LHFPL3: variants seen among roughly 807,000 people sequenced by gnomAD.
The protein encoded by LHFPL3 is LHFPL tetraspan subfamily member 3 protein.
A neutral mutation model predicts 19.3 loss-of-function variants in LHFPL3; 5 were observed. That is an observed-to-expected ratio of 0.26 (90% confidence interval 0.14 to 0.54). The LOEUF (loss-of-function observed/expected upper bound fraction) is 0.54, where lower values mean the gene tolerates loss of function less well. Among genes scored for constraint, LHFPL3 ranks in the 20% least tolerant of loss-of-function variants. The pLI is 0.94. For synonymous variants in LHFPL3, 133 were observed against 126.2 expected, an observed-to-expected ratio of 1.05 and a Z score of -0.36; for missense variants, 249 against 307.4, an observed-to-expected ratio of 0.81 and a Z score of 1.42.
chr7:104,593,272 A>T (rs962611458), intron 1 of LHFPL3, among the ~76,000 whole-genome samples: 1 of 151,986 alleles, frequency 6.6e-6, no homozygotes, highest in Non-Finnish European at 1.5e-5. Context: ...GAACATCTTT[A>T]TTTCTGCCCT....
At chr7:104,763,439 C>T (rs1794408722) in intron 2 of LHFPL3, among the ~76,000 whole-genome samples, 1 of 152,234 alleles carries the variant, frequency 6.6e-6, no homozygotes, top group Non-Finnish European at 1.5e-5. Context: ...TGCAGATTAA[C>T]TCACTGAACT....
chr7:104,798,850 GT>G (rs1231524828), intron 2 of LHFPL3, among the ~76,000 whole-genome samples: 1 of 151,970 alleles, frequency 6.6e-6, no homozygotes, highest in East Asian at 1.9e-4. Context: ...TTTTGCTTCT[GT>G]TTTTTTGGAT....
rs59809377 is a variant in LHFPL3, at chr7:104,812,803, C to CAAAAAAAAAAAAA, written c.682+75908_682+75920dup. Among the ~76,000 whole-genome samples the CAAAAAAAAAAAAA allele has an allele frequency of 2.6e-4, 8 of 31,338 alleles. 1 individual carries two copies. Among genetic ancestry groups the CAAAAAAAAAAAAA allele is most frequent in the East Asian group, 2.5e-3 (2 of 806 alleles). The allele number at this position is 31,338 out of a possible 152,430, so 20.6% of individuals were successfully genotyped here. On this transcript the variant is annotated intron_variant, in intron 2 of 2. Coordinates refer to ENST00000424859, the MANE Select transcript of LHFPL3 (RefSeq NM_199000.3). ...TGGGTGACAGAGCAAGACTCCATCT[C>CAAAAAAAAAAAAA]AAAAAAAAAAAAAAAAAAAAAAAAA...
chr7:104,603,146 CCTT>C (rs1791017516), intron 1 of LHFPL3, among the ~76,000 whole-genome samples: 1 of 45,788 alleles, frequency 2.2e-5, no homozygotes, highest in African/African-American at 4.8e-5. Flanking sequence ...TCCCTTCCTT[CCTT>C]CCTTCCTTCC....
intron 1 of LHFPL3, among the ~76,000 whole-genome samples, chr7:104,468,482 A>G (rs1284010525): frequency 6.6e-6 from 1 of 152,126 alleles, no homozygotes; most frequent in African/African-American, 2.4e-5. Flanking sequence ...AATAATTGTC[A>G]TGGCTTTTTG....
chr7:104,608,446 C>T (rs1477120580), intron 1 of LHFPL3, among the ~76,000 whole-genome samples: 5 of 133,610 alleles, frequency 3.7e-5, no homozygotes, highest in East Asian at 2.2e-4. Flanking sequence ...AATTGAACAA[C>T]GAGAACACAT....
At chr7:104,450,952 T>C (rs1308578938) in intron 1 of LHFPL3, among the ~76,000 whole-genome samples, 3 of 152,000 alleles carry the variant, frequency 2.0e-5, no homozygotes, top group Admixed American at 1.3e-4. Context: ...CAAAGCAGAG[T>C]GGAAATGAAT....
intron 1 of LHFPL3, among the ~76,000 whole-genome samples, chr7:104,621,601 A>T (rs193084308): frequency 2.0e-5 from 3 of 152,316 alleles, no homozygotes; most frequent in Admixed American, 6.5e-5. Flanking sequence ...GAGTTGACAG[A>T]TCGCTTAATC....
intron 1 of LHFPL3, among the ~76,000 whole-genome samples, chr7:104,602,460 A>C (rs1324899322): frequency 6.6e-6 from 1 of 152,200 alleles, no homozygotes; most frequent in Non-Finnish European, 1.5e-5. Flanking sequence ...GATTCTGAAA[A>C]GCTGCTTTGC....
rs548694765 is a variant in LHFPL3 at position 104,365,636 on chromosome 7, C to T, written c.445+36412C>T. ...CTCTACTAAAAATACAAAAAATTAG[C>T]CGGGCGCGGTGGCGGGCGCCTGTAG... On this transcript the variant is annotated intron_variant, in intron 1 of 2. Transcript: ENST00000424859. Among the ~76,000 whole-genome samples the T allele has an allele frequency of 2.5e-4, 37 of 149,292 alleles. No homozygotes were observed. The South Asian group carries it at 7.8e-3, about 31-fold the overall frequency.
At chr7:104,675,849 C>CA (rs2116063531) in intron 1 of LHFPL3, among the ~76,000 whole-genome samples, 1 of 112,048 alleles carries the variant, frequency 8.9e-6, no homozygotes, top group South Asian at 3.8e-4. Context: ...TCAGGACTTC[C>CA]CTTTTAGATA....
chr7:104,795,348 G>C (rs1562795604), intron 2 of LHFPL3, among the ~76,000 whole-genome samples: 2 of 152,176 alleles, frequency 1.3e-5, no homozygotes, highest in Non-Finnish European at 2.9e-5. Flanking sequence ...TTCTGGATGA[G>C]AGGAAGCCAA....
At chr7:104,480,044 A>G (rs1358723529) in intron 1 of LHFPL3, among the ~76,000 whole-genome samples, 3 of 152,212 alleles carry the variant, frequency 2.0e-5, no homozygotes, top group Non-Finnish European at 2.9e-5. Context: ...TCAGAGTTTT[A>G]TACCAGATCA....
At chr7:104,858,057 T>C (rs1418952788) in intron 2 of LHFPL3, among the ~76,000 whole-genome samples, 1 of 152,200 alleles carries the variant, frequency 6.6e-6, no homozygotes, top group African/African-American at 2.4e-5. Flanking sequence ...ATATAAAAAC[T>C]GTGTACAGAG....
chr7:104,780,087 G>C (rs917340790), intron 2 of LHFPL3, among the ~76,000 whole-genome samples: 3 of 152,186 alleles, frequency 2.0e-5, no homozygotes, highest in African/African-American at 7.2e-5. Flanking sequence ...TTGGCCCCCA[G>C]TGGCCCCTCC....
intron 2 of LHFPL3, among the ~76,000 whole-genome samples, chr7:104,827,065 C>T (rs762074826): frequency 1.1e-4 from 16 of 151,858 alleles, no homozygotes; most frequent in Non-Finnish European, 1.8e-4. Flanking sequence ...CACCATTTAC[C>T]CTAGACTAGA....
At chr7:104,514,812 A>C (rs1216875784) in intron 1 of LHFPL3, among the ~76,000 whole-genome samples, 1 of 152,208 alleles carries the variant, frequency 6.6e-6, no homozygotes, top group East Asian at 1.9e-4. Flanking sequence ...AGGGTGATTG[A>C]ATATGCAAAG....
At chr7:104,522,232 T>C (rs894994857) in intron 1 of LHFPL3, among the ~76,000 whole-genome samples, 9 of 151,998 alleles carry the variant, frequency 5.9e-5, no homozygotes, top group Non-Finnish European at 1.2e-4. Context: ...TTCATGTCCT[T>C]TGTAGGGACA....
intron 1 of LHFPL3, among the ~76,000 whole-genome samples, chr7:104,531,666 C>T (rs1158911073): frequency 6.6e-6 from 1 of 152,140 alleles, no homozygotes; most frequent in Non-Finnish European, 1.5e-5. Context: ...ACAAAGGGAT[C>T]TATATGGGAA....
Sources: allele counts gnomAD v4.1 joint callset (sites outside exome capture counted in the v4.1 genomes callset), GRCh38; gene constraint gnomAD v4.1.1; transcripts MANE v1.5; gene names NCBI Gene and HGNC (gene_info 2026-07-23, HGNC 2026-07-21).